Variants in R3HCC1 observed in about 807,000 individuals in gnomAD.
R3HCC1 encodes R3H domain and coiled-coil containing 1.
A neutral mutation model predicts 40.0 loss-of-function variants in R3HCC1; 32 were observed. The observed-to-expected ratio is 0.80, with a 90% CI of 0.60 to 1.07. R3HCC1 has a LOEUF of 1.07. Ranked by LOEUF, R3HCC1 falls within the 50% of genes least tolerant of loss-of-function variation. The pLI, the probability that R3HCC1 is intolerant of heterozygous loss-of-function variation, is 0.00. For missense variants in R3HCC1, 586 were observed against 563.3 expected, an observed-to-expected ratio of 1.04 and a Z score of -0.41; for synonymous variants, 237 against 232.8, an observed-to-expected ratio of 1.02 and a Z score of -0.17.
rs1255382035 is a variant in R3HCC1 at position 23,288,110 on chromosome 8, T to C, written c.-66T>C. 7.9e-7 allele frequency: 1 copy of C among 1,268,428 alleles called. No homozygotes were observed. The highest frequency in any genetic ancestry group is 1.3e-5 in the South Asian group (1 of 78,788). 78.6% of individuals were successfully genotyped at this position (1,268,428 alleles called of 1,614,324 possible). A position where few individuals can be genotyped will look rare whatever the true frequency, so the allele number is the denominator to read the frequency against. On this transcript the variant is annotated 5_prime_UTR_variant, in exon 1 of 8. Coordinates refer to ENST00000265806, the MANE Select transcript of R3HCC1 (RefSeq NM_001136108.3). The stretch of plus-strand genomic sequence containing the variant: ...GTCTCTCTAGGGCGCTCGGGCGCGC[T>C]GGCCCCTGGGGACGCCGAGGGCGGC...
chr8:23,293,202 G>C, intron 5 of R3HCC1, 101 bp from the exon 6 acceptor site: 3 of 886,572 alleles, frequency 3.4e-6, no homozygotes, highest in Non-Finnish European at 5.4e-6. Flanking sequence ...TCAGGCTGGT[G>C]GCATCTGCGG....
At chr8:23,293,247 A>G in intron 5 of R3HCC1, 56 bp from the exon 6 acceptor site, 1 of 1,432,122 alleles carries the variant, frequency 7.0e-7, no homozygotes, top group Non-Finnish European at 9.5e-7. Flanking sequence ...CGGGATTCGA[A>G]GAGGAGTTTG....
At chr8:23,294,383 C>G (rs1376775946) in intron 6 of R3HCC1, among the ~76,000 whole-genome samples, 1 of 152,198 alleles carries the variant, frequency 6.6e-6, no homozygotes, top group African/African-American at 2.4e-5. Context: ...TGCTGCAACA[C>G]CAGGCATGAC....
At position 23,288,871 on chromosome 8, in the gene R3HCC1, A is replaced by G. The variant is rs144078915; in HGVS notation, c.111-145A>G. ...CCTGTGGGTCCCTGCGATCACCTCT[A>G]TCTATGCTCAGATCCTTTGCAGTCC... On this transcript the variant is annotated intron_variant, in intron 2 of 7. Transcript: ENST00000265806. The G allele has an allele frequency of 2.2e-4, 229 of 1,030,376 alleles. No individual in the cohort carries two copies. The African/African-American group carries it at 3.3e-3, about 15-fold the overall frequency. 63.8% of individuals were successfully genotyped at this position (1,030,376 alleles called of 1,614,324 possible). A position where few individuals can be genotyped will look rare whatever the true frequency, so the allele number is the denominator to read the frequency against.
At chr8:23,294,442 G>GGGA (rs1276303279) in intron 6 of R3HCC1, among the ~76,000 whole-genome samples, 1 of 152,188 alleles carries the variant, frequency 6.6e-6, no homozygotes, top group Non-Finnish European at 1.5e-5. Flanking sequence ...TGGTGAAAGG[G>GGGA]GGAGAGGTTG....
intron 5 of R3HCC1, among the ~76,000 whole-genome samples, chr8:23,293,038 G>T (rs899473924): frequency 6.6e-6 from 1 of 152,190 alleles, no homozygotes; most frequent in African/African-American, 2.4e-5. Context: ...TGCCATATGA[G>T]CTCTTTGAGT....
intron 7 of R3HCC1, 59 bp from the exon 8 acceptor site, chr8:23,295,908 T>A (rs1350242938): frequency 4.0e-6 from 6 of 1,498,292 alleles, no homozygotes; most frequent in Non-Finnish European, 5.4e-6. Context: ...GCTGTGTTGC[T>A]GGGGGAGAGG....
In R3HCC1 at chr8:23,296,223, C is replaced by A; in HGVS notation, c.*126C>A. On this transcript the variant is annotated 3_prime_UTR_variant, in exon 8 of 8. Coordinates refer to ENST00000265806, the MANE Select transcript of R3HCC1 (RefSeq NM_001136108.3). Reference sequence around the variant, plus strand: ...GAGCTTCACCATGGGGTGTGGTGGGCTTTAGTTTAGTCCCAGAAATGGAGA... The same window carrying A: ...GAGCTTCACCATGGGGTGTGGTGGGATTTAGTTTAGTCCCAGAAATGGAGA... The A allele has an allele frequency of 2.6e-6, 3 of 1,148,012 alleles. No individual in the cohort carries two copies. Among genetic ancestry groups the A allele is most frequent in the Non-Finnish European group, 2.4e-6 (2 of 845,510 alleles). 71.1% of individuals were successfully genotyped at this position (1,148,012 alleles called of 1,614,324 possible).
intron 3 of R3HCC1, 50 bp downstream of exon 3, chr8:23,289,203 C>T (rs1802806357): frequency 6.6e-7 from 1 of 1,524,818 alleles, no homozygotes; most frequent in Non-Finnish European, 8.8e-7. Flanking sequence ...GTGTGGGTGG[C>T]CAGCTAGCTG....
Position 23,294,787 on chromosome 8 carries a change from G to A in R3HCC1, c.1115G>A (p.Arg372Gln), listed in dbSNP as rs1400947165. Residue 372 changes from arginine to glutamine, a missense_variant, in exon 7 of 8, where the codon CGG becomes CAG. Physicochemically the swap from Arg to Gln is conservative, Grantham distance 43 (BLOSUM62 1). Coordinates refer to ENST00000265806, the MANE Select transcript of R3HCC1 (RefSeq NM_001136108.3). ...TCCACAGCTGCGGAAGCCCTGACCC[G>A]GGAGTTCTCGGTGCTCAAGATCCGG... The A allele has an allele frequency of 1.2e-5, 19 of 1,551,172 alleles. No homozygotes were observed. The highest frequency in any genetic ancestry group is 1.6e-5 in the Non-Finnish European group (18 of 1,146,910).
intron 6 of R3HCC1, among the ~76,000 whole-genome samples, 180 bp from the exon 7 acceptor site, chr8:23,294,589 G>C (rs1802947432): frequency 6.6e-6 from 1 of 152,196 alleles, no homozygotes; most frequent in Non-Finnish European, 1.5e-5. Flanking sequence ...GGCCTGTGGG[G>C]CTCTGGGGGA....
At chr8:23,295,934 G>A (rs1803004041) in intron 7 of R3HCC1, 33 bp from the exon 8 acceptor site, 1 of 1,531,832 alleles carries the variant, frequency 6.5e-7, no homozygotes, top group South Asian at 1.2e-5. Flanking sequence ...ACGACCTTGT[G>A]TTTAGGTCCC....
intron 3 of R3HCC1, among the ~76,000 whole-genome samples, chr8:23,289,402 A>AGT (rs1279423243): frequency 6.6e-6 from 1 of 152,214 alleles, no homozygotes; most frequent in Non-Finnish European, 1.5e-5. Context: ...GATCTGTTTA[A>AGT]GTAGTGGGTG....
intron 1 of R3HCC1, 45 bp downstream of exon 1, chr8:23,288,202 C>T: frequency 4.1e-6 from 5 of 1,205,512 alleles, no homozygotes; most frequent in Non-Finnish European, 5.2e-6. Context: ...GACCCCCGGG[C>T]TCCCGGGTGG....
intron 7 of R3HCC1, 75 bp downstream of exon 7, chr8:23,294,939 G>T: frequency 9.2e-7 from 1 of 1,085,318 alleles, no homozygotes; most frequent in Non-Finnish European, 1.4e-6. Context: ...GTGTGTGCGT[G>T]TGTGTGTGTC....
At position 23,290,170 on chromosome 8, in the gene R3HCC1, C is replaced by T. The variant is rs1802832551; in HGVS notation, c.553C>T (p.Pro185Ser). 1 of 1,551,682 alleles carries T rather than the reference C, an allele frequency of 6.4e-7. No homozygotes were observed. The highest frequency in any genetic ancestry group is 1.4e-5 in the African/African-American group (1 of 73,162). Residue 185 changes from proline to serine, a missense_variant, in exon 4 of 8, where the codon CCT becomes TCT. Transcript: ENST00000265806. The stretch of plus-strand genomic sequence containing the variant: ...AGACCCCAACTCTGATCAGGGACTC[C>T]CTGTGCTGATGACTCAGGGAACAGA...
chr8:23,295,690 G>T lies in R3HCC1; in HGVS notation c.1193-277G>T, dbSNP rs565492513. ...CCAAAGGACCCTAAAAAGCAGGGAGGTGTGCAGGATGAACCCCTCAGCCCC... is the reference window on the plus strand; with the variant it reads ...CCAAAGGACCCTAAAAAGCAGGGAGTTGTGCAGGATGAACCCCTCAGCCCC... On this transcript the variant is annotated intron_variant, in intron 7 of 7. Coordinates refer to ENST00000265806, the MANE Select transcript of R3HCC1 (RefSeq NM_001136108.3). The T allele has an allele frequency of 7.6e-4, 407 of 536,916 alleles. 1 individual carries two copies. The highest frequency in any genetic ancestry group is 1.7e-3 in the Admixed American group (55 of 31,908). 33.3% of individuals were successfully genotyped at this position (536,916 alleles called of 1,614,324 possible).
chr8:23,291,837 G>A (rs532663934), intron 5 of R3HCC1, among the ~76,000 whole-genome samples: 2 of 152,342 alleles, frequency 1.3e-5, no homozygotes, highest in Non-Finnish European at 2.9e-5. Context: ...GGACATGGCA[G>A]CCTCCTCTTC....
Position 23,288,501 on chromosome 8 carries a change from T to C in R3HCC1, c.-18-5T>C. ...GATTCCCGGCCCTGCCCGTCTCTCT[T>C]ACAGGCTCTCCCACCTGTCACCCTG... On this transcript the variant is annotated splice_polypyrimidine_tract_variant and splice_region_variant and intron_variant, in intron 1 of 7. Transcript: ENST00000265806. The C allele has an allele frequency of 6.5e-7, 1 of 1,535,984 alleles. No individual in the cohort carries two copies. Among genetic ancestry groups the C allele is most frequent in the African/African-American group, 1.4e-5 (1 of 73,140 alleles).
Sources: gnomAD v4.1 joint callset for allele counts (sites outside exome capture counted in the v4.1 genomes callset) on GRCh38, gnomAD v4.1.1 for gene constraint, MANE v1.5 for transcripts, NCBI Gene and HGNC (gene_info 2026-07-23, HGNC 2026-07-21) for gene names.